Variants in SDK1 observed in about 807,000 individuals in gnomAD.
SDK1 encodes protein sidekick-1.
A neutral mutation model predicts 245.5 loss-of-function variants in SDK1; 157 were observed. That is an observed-to-expected ratio of 0.64 (90% CI 0.56 to 0.73). The LOEUF (loss-of-function observed/expected upper bound fraction) is 0.73, where lower values mean the gene tolerates loss of function less well. Among genes scored for constraint, SDK1 ranks in the 30% least tolerant of loss-of-function variants. SDK1 has a pLI of 0.00. For synonymous variants in SDK1, 1,647 were observed against 1,278.5 expected, an observed-to-expected ratio of 1.29 and a Z score of -6.15; for missense variants, 3,583 against 3,002.3, an observed-to-expected ratio of 1.19 and a Z score of -4.52.
At chr7:3,309,376 T>C (rs1243121540) in intron 1 of SDK1, among the ~76,000 whole-genome samples, 1 of 151,958 alleles carries the variant, frequency 6.6e-6, no homozygotes, top group Non-Finnish European at 1.5e-5. Context: ...CCAAGTTTTT[T>C]TTTTTTTTCC....
In SDK1 at chr7:3,962,742, C is replaced by A; in HGVS notation, c.1320C>A (p.Ser440Arg). 6.2e-7 allele frequency: 1 copy of A among 1,613,664 alleles called. No homozygotes were observed. The highest frequency in any genetic ancestry group is 8.5e-7 in the Non-Finnish European group (1 of 1,179,844). Residue 440 changes from serine to arginine, a missense_variant, in exon 9 of 45, where the codon AGC (serine) becomes AGA (arginine). Coordinates refer to ENST00000404826, the MANE Select transcript of SDK1 (RefSeq NM_152744.4). ...ATCCTCGATACAAAGTGCTCGCCAG[C>A]GGAGGCCTGCGCATCCAGAAGCTGC... ...LQNPRYKVLA[S>R]GGLRIQKLRP... is the part of the protein sequence containing the mutation.
chr7:4,139,647 ATATGTG>A (rs1431633958), intron 28 of SDK1, among the ~76,000 whole-genome samples: 1 of 48,472 alleles, frequency 2.1e-5, no homozygotes, highest in East Asian at 1.3e-3. Context: ...ATGTGTGTGT[ATATGTG>A]TGTGTGTATA....
Position 4,267,277 on chromosome 7 carries a change from CCT to C in SDK1, c.*1898_*1899del. ...CCCTCCCTCCTTCCCTCCCTTCCTT[CCT>C]CTCTTTCCTCCTTCCTTCCCTCCCT... On this transcript the variant is annotated 3_prime_UTR_variant, in exon 45 of 45. Coordinates refer to ENST00000404826, the MANE Select transcript of SDK1 (RefSeq NM_152744.4). The C allele has an allele frequency of 2.0e-6, 1 of 505,696 alleles. No individual in the cohort carries two copies. Among genetic ancestry groups the C allele is most frequent in the Non-Finnish European group, 2.5e-6 (1 of 395,994 alleles). 31.3% of individuals were successfully genotyped at this position (505,696 alleles called of 1,614,324 possible). A position where few individuals can be genotyped will look rare whatever the true frequency, so the allele number is the denominator to read the frequency against.
intron 5 of SDK1, among the ~76,000 whole-genome samples, chr7:3,884,752 A>G (rs1289274116): frequency 1.3e-5 from 2 of 152,216 alleles, no homozygotes; most frequent in Admixed American, 6.5e-5. Context: ...AAGCGTGGTT[A>G]GATCTCTATA....
intron 1 of SDK1, among the ~76,000 whole-genome samples, chr7:3,314,776 T>G (rs1413409574): frequency 6.6e-6 from 1 of 152,248 alleles, no homozygotes; most frequent in African/African-American, 2.4e-5. Context: ...TCTAGTGTTT[T>G]ATTAGATGTA....
intron 4 of SDK1, among the ~76,000 whole-genome samples, chr7:3,749,720 CAG>C (rs142503837): frequency 2.6e-5 from 4 of 151,398 alleles, no homozygotes; most frequent in Non-Finnish European, 4.4e-5. Flanking sequence ...AACCTTGGTG[CAG>C]AGAGAGAGAG....
chr7:4,006,807 C>T (rs930637516), intron 14 of SDK1, among the ~76,000 whole-genome samples: 2 of 152,210 alleles, frequency 1.3e-5, no homozygotes, highest in Non-Finnish European at 2.9e-5. Context: ...TCAAACCAGG[C>T]AGCAGACTCT....
chr7:3,615,783 C>T lies in SDK1; in HGVS notation c.299-3297C>T, dbSNP rs73673649. Among the ~76,000 whole-genome samples, 1,083 of 151,704 alleles carry T rather than the reference C, an allele frequency of 7.1e-3. 22 individuals carry two copies. Among genetic ancestry groups the T allele is most frequent in the African/African-American group, 0.025 (1,046 of 41,508 alleles). On this transcript the variant is annotated intron_variant, in intron 1 of 44. Transcript: ENST00000404826. ...AGTGGCCTCTGGACTGGTGTCCTCC[C>T]ACTATTCCACGCCCTCTTTTTTTCC...
intron 5 of SDK1, among the ~76,000 whole-genome samples, chr7:3,860,133 G>C (rs1320391638): frequency 6.6e-6 from 1 of 151,952 alleles, no homozygotes; most frequent in Non-Finnish European, 1.5e-5. Context: ...AGTTAGCCAG[G>C]ATGGTCTCAC....
At chr7:3,751,066 C>T (rs745360674) in intron 4 of SDK1, among the ~76,000 whole-genome samples, 8 of 152,226 alleles carry the variant, frequency 5.3e-5, no homozygotes, top group Non-Finnish European at 1.2e-4. Context: ...CACCCTGCAG[C>T]CACTGTCACA....
chr7:3,695,713 A>G (rs1196629030), intron 4 of SDK1, among the ~76,000 whole-genome samples: 3 of 152,204 alleles, frequency 2.0e-5, no homozygotes, highest in Non-Finnish European at 4.4e-5. Context: ...TATCATGTGT[A>G]CATTTTCCTT....
intron 28 of SDK1, among the ~76,000 whole-genome samples, chr7:4,139,125 G>A (rs1318774034): frequency 2.0e-5 from 3 of 152,340 alleles, no homozygotes; most frequent in South Asian, 2.1e-4. Context: ...CCAGCCCCAC[G>A]GCCCCTGCCT....
chr7:3,844,253 T>C (rs1392031603), intron 5 of SDK1, among the ~76,000 whole-genome samples: 1 of 152,208 alleles, frequency 6.6e-6, no homozygotes, highest in Admixed American at 6.5e-5. Context: ...TTACAGGCCA[T>C]GAGCCACCGC....
chr7:3,580,737 G>A (rs1210285060), intron 1 of SDK1, among the ~76,000 whole-genome samples: 3 of 152,100 alleles, frequency 2.0e-5, no homozygotes, highest in Admixed American at 1.3e-4. Context: ...GGGAGACTGA[G>A]GCAGGCGGAG....
At chr7:3,541,471 C>G (rs1048989293) in intron 1 of SDK1, among the ~76,000 whole-genome samples, 28 of 152,242 alleles carry the variant, frequency 1.8e-4, no homozygotes, top group Admixed American at 6.5e-5. Context: ...TTCCCAACCT[C>G]TTTTCCTTCT....
intron 32 of SDK1, among the ~76,000 whole-genome samples, chr7:4,173,891 C>T (rs1176832768): frequency 2.6e-5 from 4 of 152,206 alleles, no homozygotes; most frequent in African/African-American, 9.6e-5. Context: ...GCTCACCACA[C>T]AGCACCCAGC....
In SDK1 at chr7:4,110,788, A is replaced by T. The variant is rs1783289823; in HGVS notation, c.3434+16A>T. Reference sequence around the variant, plus strand: ...CTCACTACAGGTGAGAACAGCAGTGATAAGCTGTTACAGGAGGAAACACTG... The same window carrying T: ...CTCACTACAGGTGAGAACAGCAGTGTTAAGCTGTTACAGGAGGAAACACTG... On this transcript the variant is annotated intron_variant, in intron 23 of 44. Transcript: ENST00000404826. 1.3e-6 allele frequency: 2 copies of T among 1,556,432 alleles called. No individual in the cohort carries two copies. The highest frequency in any genetic ancestry group is 1.7e-4 in the Middle Eastern group (1 of 5,956).
chr7:3,893,348 C>T (rs954924925), intron 5 of SDK1, among the ~76,000 whole-genome samples: 1 of 152,068 alleles, frequency 6.6e-6, no homozygotes, highest in East Asian at 1.9e-4. Flanking sequence ...GGGGGAGGAT[C>T]CTTAATGCCC....
chr7:3,512,611 C>T (rs1782618903), intron 1 of SDK1, among the ~76,000 whole-genome samples: 1 of 152,194 alleles, frequency 6.6e-6, no homozygotes, highest in South Asian at 2.1e-4. Context: ...TCCGCATCCT[C>T]TTTACCATTT....
Sources: gnomAD v4.1 joint callset for allele counts (sites outside exome capture counted in the v4.1 genomes callset) on GRCh38, gnomAD v4.1.1 for gene constraint, MANE v1.5 for transcripts, NCBI Gene and HGNC (gene_info 2026-07-23, HGNC 2026-07-21) for gene names.